The following IL1RAPL1 variants were observed in gnomAD, a reference collection of about 807,000 sequenced individuals.
IL1RAPL1 encodes the protein interleukin-1 receptor accessory protein-like 1.
In IL1RAPL1, 3 loss-of-function variants were observed where a neutral mutation model predicts 48.4. That is an observed-to-expected ratio of 0.06 (90% confidence interval 0.03 to 0.16). The LOEUF is 0.16. Ranked by LOEUF, IL1RAPL1 falls within the 10% of genes least tolerant of loss-of-function variation. The pLI, the probability that IL1RAPL1 is intolerant of heterozygous loss-of-function variation, is 1.00. For missense variants in IL1RAPL1, 349 were observed against 530.6 expected, an observed-to-expected ratio of 0.66 and a Z score of 3.36; for synonymous variants, 185 against 187.7, an observed-to-expected ratio of 0.99 and a Z score of 0.12.
At chrX:29,932,238 A>G (rs1193088087) in intron 8 of IL1RAPL1, among the ~76,000 whole-genome samples, 1 of 112,214 alleles carries the variant, frequency 8.9e-6, no homozygotes, top group Non-Finnish European at 1.9e-5. Context: ...AATATTTCAA[A>G]CACTGCCTTT....
chrX:28,659,119 T>C, intron 1 of IL1RAPL1: 2 of 671,845 alleles, frequency 3.0e-6, no homozygotes, highest in Non-Finnish European at 4.8e-6. Flanking sequence ...GCATAATTGT[T>C]ACACGTTTGG....
intron 2 of IL1RAPL1, among the ~76,000 whole-genome samples, chrX:28,872,188 A>G (rs970856702): frequency 9.7e-5 from 10 of 103,389 alleles, no homozygotes; most frequent in Non-Finnish European, 2.0e-4. Context: ...TTTAAAAACA[A>G]TTTTTTTTTT....
At chrX:29,746,518 T>C (rs1928338199) in intron 6 of IL1RAPL1, among the ~76,000 whole-genome samples, 1 of 111,942 alleles carries the variant, frequency 8.9e-6, no homozygotes, top group South Asian at 3.7e-4. Context: ...TATTCCTGGG[T>C]GTTTTGAGGT....
At chrX:29,094,388 G>A (rs1250376123) in intron 2 of IL1RAPL1, among the ~76,000 whole-genome samples, 1 of 110,726 alleles carries the variant, frequency 9.0e-6, no homozygotes, top group Non-Finnish European at 1.9e-5. Context: ...TTGTTATAAG[G>A]CGGATTTTTA....
At chrX:29,336,072 AT>A (rs1461116212) in intron 3 of IL1RAPL1, among the ~76,000 whole-genome samples, 68 of 105,868 alleles carry the variant, frequency 6.4e-4, no homozygotes, top group African/African-American at 1.9e-3. Context: ...TATTAAAAAA[AT>A]ATATATGTAT....
chrX:29,172,318 T>C (rs1033833229), intron 2 of IL1RAPL1, among the ~76,000 whole-genome samples: 1 of 112,051 alleles, frequency 8.9e-6, no homozygotes, highest in African/African-American at 3.2e-5. Flanking sequence ...CCTTGAACAC[T>C]AGTAGCATCA....
chrX:29,885,611 G>C (rs183545892), intron 6 of IL1RAPL1, among the ~76,000 whole-genome samples: 194 of 111,534 alleles, frequency 1.7e-3, no homozygotes, highest in Non-Finnish European at 3.0e-3. Flanking sequence ...AGGACTTCAA[G>C]ACCAGCATGG....
chrX:29,402,083 C>G (rs189794771), intron 5 of IL1RAPL1, among the ~76,000 whole-genome samples: 8 of 110,433 alleles, frequency 7.2e-5, no homozygotes, highest in African/African-American at 2.6e-4. Context: ...TAGTAGAGAC[C>G]GGGTTTAACC....
chrX:29,757,285 T>C (rs899828967), intron 6 of IL1RAPL1, among the ~76,000 whole-genome samples: 2 of 112,351 alleles, frequency 1.8e-5, no homozygotes, highest in Non-Finnish European at 3.8e-5. Context: ...AGCTTCAGGT[T>C]CATTTTGACT....
At chrX:29,074,985 A>C (rs1927639416) in intron 2 of IL1RAPL1, among the ~76,000 whole-genome samples, 1 of 112,405 alleles carries the variant, frequency 8.9e-6, no homozygotes, top group Non-Finnish European at 1.9e-5. Context: ...GAGGTAAACA[A>C]AATTAGGTAG....
chrX:28,932,755 A>C (rs1388211743), intron 2 of IL1RAPL1, among the ~76,000 whole-genome samples: 20 of 23,346 alleles, frequency 8.6e-4, no homozygotes, highest in African/African-American at 2.5e-3. Flanking sequence ...GGTAAAGTAG[A>C]AAAAAAAAAT....
chrX:29,783,062 G>A (rs1171156727), intron 6 of IL1RAPL1, among the ~76,000 whole-genome samples: 1 of 106,300 alleles, frequency 9.4e-6, no homozygotes, highest in African/African-American at 3.4e-5. Context: ...CTGCCACTAC[G>A]CCCGGCTAAT....
chrX:29,168,412 T>A (rs1929829868), intron 2 of IL1RAPL1, among the ~76,000 whole-genome samples: 2 of 105,285 alleles, frequency 1.9e-5, no homozygotes, highest in African/African-American at 6.8e-5. Context: ...TCAACTTTTT[T>A]AGGTTCCACA....
intron 5 of IL1RAPL1, among the ~76,000 whole-genome samples, chrX:29,617,773 G>C (rs1924333239): frequency 8.9e-6 from 1 of 111,789 alleles, no homozygotes; most frequent in Admixed American, 9.5e-5. Context: ...AGTTATTTAA[G>C]TAAGAATGCC....
intron 6 of IL1RAPL1, among the ~76,000 whole-genome samples, chrX:29,890,923 C>T (rs1932264731): frequency 8.9e-6 from 1 of 112,195 alleles, no homozygotes; most frequent in Non-Finnish European, 1.9e-5. Flanking sequence ...TGCTTTTTGT[C>T]TCAGCAGATA....
At chrX:29,049,142 C>G (rs1168681577) in intron 2 of IL1RAPL1, among the ~76,000 whole-genome samples, 1 of 112,166 alleles carries the variant, frequency 8.9e-6, no homozygotes, top group Non-Finnish European at 1.9e-5. Context: ...TGTGCTACCA[C>G]AGCTTTCCAG....
At chrX:29,361,542 AACACACACAC>A (rs35694893) in intron 3 of IL1RAPL1, among the ~76,000 whole-genome samples, 6 of 100,985 alleles carry the variant, frequency 5.9e-5, no homozygotes, top group Non-Finnish European at 1.0e-4. Flanking sequence ...AACTACCTTA[AACACACACAC>A]ACACACACAC....
At chrX:28,740,105 T>G (rs1935889948) in intron 1 of IL1RAPL1, among the ~76,000 whole-genome samples, 4 of 111,236 alleles carry the variant, frequency 3.6e-5, no homozygotes, top group South Asian at 7.6e-4. Flanking sequence ...CGTAGAAATC[T>G]TACCTGGTTC....
chrX:29,439,403 T>C (rs971965898), intron 5 of IL1RAPL1, among the ~76,000 whole-genome samples: 1 of 111,963 alleles, frequency 8.9e-6, no homozygotes, highest in Non-Finnish European at 1.9e-5. Context: ...TCTACCTGTA[T>C]TCCATTGTCC....
Sources: gnomAD v4.1 joint callset for allele counts (sites outside exome capture counted in the v4.1 genomes callset) on GRCh38, gnomAD v4.1.1 for gene constraint, MANE v1.5 for transcripts, NCBI Gene and HGNC (gene_info 2026-07-23, HGNC 2026-07-21) for gene names.